RFX3: variants seen among roughly 807,000 people sequenced by gnomAD.
RFX3 encodes transcription factor RFX3.
A neutral mutation model predicts 98.6 loss-of-function variants in RFX3; 14 were observed. The observed-to-expected ratio is 0.14, with a 90% CI of 0.09 to 0.22. The LOEUF is 0.22. Ranked by LOEUF, RFX3 falls within the 10% of genes least tolerant of loss-of-function variation. The probability of loss-of-function intolerance (pLI) is 1.00; values close to 1 mark genes in which losing one functional copy is unlikely to be tolerated. For missense variants in RFX3, 639 were observed against 926.9 expected, an observed-to-expected ratio of 0.69 and a Z score of 4.03; for synonymous variants, 383 against 328.4, an observed-to-expected ratio of 1.17 and a Z score of -1.80.
chr9:3,353,091 G>A (rs187419300), intron 2 of RFX3, among the ~76,000 whole-genome samples: 45 of 150,998 alleles, frequency 3.0e-4, no homozygotes, highest in African/African-American at 9.0e-4. Flanking sequence ...GCAAACTATC[G>A]CAAGGACAAA....
chr9:3,400,682 A>C (rs1488086176), intron 1 of RFX3, among the ~76,000 whole-genome samples: 2 of 152,184 alleles, frequency 1.3e-5, no homozygotes, highest in African/African-American at 4.8e-5. Flanking sequence ...GAGGGTATCA[A>C]TCATATCCCT....
chr9:3,427,012 T>A (rs1437347909), intron 1 of RFX3, among the ~76,000 whole-genome samples: 1 of 151,856 alleles, frequency 6.6e-6, no homozygotes, highest in Non-Finnish European at 1.5e-5. Context: ...TCTGCCAAGA[T>A]TTCTAACCCG....
At chr9:3,513,512 T>C (rs765002824) in intron 1 of RFX3, among the ~76,000 whole-genome samples, 2 of 152,206 alleles carry the variant, frequency 1.3e-5, no homozygotes, top group East Asian at 3.8e-4. Context: ...GAAGGTAAAC[T>C]GGAACTTCCA....
chr9:3,265,805 G>A (rs1823559564), intron 12 of RFX3, among the ~76,000 whole-genome samples: 1 of 152,034 alleles, frequency 6.6e-6, no homozygotes, highest in South Asian at 2.1e-4. Context: ...GATATGATAA[G>A]TATAGCAGGA....
In RFX3 at chr9:3,393,087, T is replaced by G. The variant is rs368191212; in HGVS notation, c.117+2385A>C. Among the ~76,000 whole-genome samples the G allele has an allele frequency of 4.2e-3, 645 of 151,894 alleles. 8 individuals are homozygous for G. The highest frequency in any genetic ancestry group is 0.015 in the African/African-American group (607 of 41,372). On this transcript the variant is annotated intron_variant, in intron 2 of 16. Transcript: ENST00000617270. ...TGGGTGGGCCAGGGTGTGTGTGTGT[T>G]GTGTTAGGGACCAAAAGAAGGGCAT...
intron 4 of RFX3, among the ~76,000 whole-genome samples, chr9:3,328,131 C>T (rs1264213251): frequency 6.6e-6 from 1 of 151,994 alleles, no homozygotes; most frequent in Non-Finnish European, 1.5e-5. Flanking sequence ...TAGGATAAGA[C>T]AGGGTGGATG....
At chr9:3,354,174 AC>A (rs1835470235) in intron 2 of RFX3, among the ~76,000 whole-genome samples, 1 of 152,030 alleles carries the variant, frequency 6.6e-6, no homozygotes, top group Non-Finnish European at 1.5e-5. Context: ...GAACTAGGGG[AC>A]AGTATTTAGT....
chr9:3,489,957 G>T (rs1850609262), intron 1 of RFX3, among the ~76,000 whole-genome samples: 1 of 152,112 alleles, frequency 6.6e-6, no homozygotes, highest in African/African-American at 2.4e-5. Flanking sequence ...AAGTTGGTAG[G>T]TGGAAAGGAA....
intron 1 of RFX3, among the ~76,000 whole-genome samples, chr9:3,452,036 C>G (rs965069429): frequency 6.6e-6 from 1 of 152,118 alleles, no homozygotes; most frequent in Non-Finnish European, 1.5e-5. Flanking sequence ...GAGTTCTGCT[C>G]TACCTGCAAC....
At chr9:3,339,310 A>T (rs1381963768) in intron 3 of RFX3, among the ~76,000 whole-genome samples, 1 of 152,184 alleles carries the variant, frequency 6.6e-6, no homozygotes, top group Non-Finnish European at 1.5e-5. Context: ...GGAAATAAAT[A>T]TGGACTGAAA....
chr9:3,493,327 C>A (rs1233512354), intron 1 of RFX3, among the ~76,000 whole-genome samples: 23 of 152,104 alleles, frequency 1.5e-4, no homozygotes. Flanking sequence ...CTATCCTACA[C>A]AGATGTGCCA....
chr9:3,377,193 C>G (rs934329147), intron 2 of RFX3, among the ~76,000 whole-genome samples: 3 of 152,130 alleles, frequency 2.0e-5, no homozygotes, highest in African/African-American at 7.2e-5. Context: ...TGGAACCAAC[C>G]CAAATGTCCA....
At chr9:3,391,244 T>A (rs769968910) in intron 2 of RFX3, among the ~76,000 whole-genome samples, 1 of 152,130 alleles carries the variant, frequency 6.6e-6, no homozygotes, top group Non-Finnish European at 1.5e-5. Context: ...AGCATGAATC[T>A]TATCAGTTAT....
chr9:3,461,465 A>G (rs1254479073), intron 1 of RFX3, among the ~76,000 whole-genome samples: 1 of 152,026 alleles, frequency 6.6e-6, no homozygotes, highest in Non-Finnish European at 1.5e-5. Flanking sequence ...CAATCTAAAT[A>G]CATCTATCAG....
intron 2 of RFX3, among the ~76,000 whole-genome samples, chr9:3,375,210 G>T (rs1424435802): frequency 6.6e-6 from 1 of 152,188 alleles, no homozygotes; most frequent in Non-Finnish European, 1.5e-5. Context: ...TTCCAAAGCT[G>T]TCATCTCCAC....
intron 1 of RFX3, chr9:3,420,923 C>G (rs1587610160): frequency 2.0e-6 from 2 of 983,224 alleles, no homozygotes; most frequent in Non-Finnish European, 2.4e-6. Flanking sequence ...AAATATGGAT[C>G]TTTCTCATCT....
chr9:3,240,533 C>G (rs914233964), intron 15 of RFX3, among the ~76,000 whole-genome samples: 2 of 152,046 alleles, frequency 1.3e-5, no homozygotes, highest in Non-Finnish European at 2.9e-5. Flanking sequence ...AAACATGTTC[C>G]CTTTGTACTA....
intron 11 of RFX3, 64 bp from the exon 12 acceptor site, chr9:3,266,369 G>C (rs950480024): frequency 1.7e-5 from 18 of 1,058,306 alleles, no homozygotes; most frequent in Non-Finnish European, 2.6e-5. Context: ...GTTTGTGCTA[G>C]AATAAAAGAA....
intron 15 of RFX3, among the ~76,000 whole-genome samples, chr9:3,231,960 G>C (rs1023025614): frequency 6.6e-6 from 1 of 152,068 alleles, no homozygotes; most frequent in African/African-American, 2.4e-5. Flanking sequence ...TTGAACCTGG[G>C]AGGCGAAGGT....
Sources: allele counts gnomAD v4.1 joint callset (sites outside exome capture counted in the v4.1 genomes callset), GRCh38; gene constraint gnomAD v4.1.1; transcripts MANE v1.5; gene names NCBI Gene and HGNC (gene_info 2026-07-23, HGNC 2026-07-21).